The following C1S variants were observed in gnomAD, a reference collection of about 807,000 sequenced individuals.
C1S encodes complement C1s subcomponent.
Under a neutral mutation model 54.0 loss-of-function variants are expected in C1S, and 31 were observed. That is an observed-to-expected ratio of 0.57 (90% CI 0.43 to 0.78). C1S has a LOEUF of 0.78. Among genes scored for constraint, C1S ranks in the 30% least tolerant of loss-of-function variants. The pLI is 0.00. For missense variants in C1S, 727 were observed against 851.8 expected, an observed-to-expected ratio of 0.85 and a Z score of 1.82; for synonymous variants, 292 against 303.6, an observed-to-expected ratio of 0.96 and a Z score of 0.40.
chr12:7,065,135 G>T lies in C1S; in HGVS notation c.553G>T (p.Gly185Trp). 1 of 1,613,958 alleles carries T rather than the reference G, an allele frequency of 6.2e-7. No individual in the cohort carries two copies. The highest frequency in any genetic ancestry group is 8.5e-7 in the Non-Finnish European group (1 of 1,179,892). The change falls in exon 6 of 12, where the codon GGG becomes TGG. Residue 185 changes from glycine (G) to tryptophan (W), a missense_variant. Around this residue, in one of 3 missense-constraint regions of C1S, gnomAD observed 357 missense variants for 365.4 expected, o/e 0.98. Coordinates refer to ENST00000360817, the MANE Select transcript of C1S (RefSeq NM_001734.5). ...TGGGGATGTATTCACTGCACTGATT[G>T]GGGAGATTGCAAGTCCCAATTATCC... ...CSGDVFTALI[G>W]EIASPNYPKP...
intron 7 of C1S, 30 bp from the exon 8 acceptor site, chr12:7,066,488 T>C: frequency 7.8e-7 from 1 of 1,276,616 alleles, no homozygotes; most frequent in Non-Finnish European, 1.1e-6. Flanking sequence ...AGTAATTTTT[T>C]CCTCCTGTCC....
In C1S at chr12:7,062,639, T is replaced by C. The variant is rs782762408; in HGVS notation, c.170T>C (p.Leu57Pro). 1 of 1,614,194 alleles carries C rather than the reference T, an allele frequency of 6.2e-7. No individual in the cohort carries two copies. The highest frequency in any genetic ancestry group is 8.5e-7 in the Non-Finnish European group (1 of 1,180,022). ...GYGIHLYFTH[L>P]DIELSENCAY... The stretch of plus-strand genomic sequence containing the variant: ...GGGATTCACCTCTACTTCACCCATC[T>C]GGACATTGAGCTGTCAGAGAACTGT... The change falls in exon 3 of 12, where the codon CTG (leucine) becomes CCG (proline). Residue 57 changes from leucine to proline, a missense_variant. Around this residue, in one of 3 missense-constraint regions of C1S, gnomAD observed 357 missense variants for 365.4 expected, o/e 0.98. Coordinates refer to ENST00000360817, the MANE Select transcript of C1S (RefSeq NM_001734.5).
rs1555163182 is a variant in C1S at position 7,070,717 on chromosome 12, T to C, written c.*66T>C. 1.2e-5 allele frequency: 15 copies of C among 1,220,048 alleles called. No individual in the cohort carries two copies. The highest frequency in any genetic ancestry group is 1.7e-5 in the Non-Finnish European group (14 of 825,100). 75.6% of individuals were successfully genotyped at this position (1,220,048 alleles called of 1,614,324 possible). A position where few individuals can be genotyped will look rare whatever the true frequency, so the allele number is the denominator to read the frequency against. On this transcript the variant is annotated 3_prime_UTR_variant, in exon 12 of 12. Coordinates refer to ENST00000360817, the MANE Select transcript of C1S (RefSeq NM_001734.5). This position sits in a 1 kb window ranked among gnomAD's most constrained non-coding sequence, Gnocchi z 4.9. ...ATGCATTACCTTCTGTTCCTTATGA[T>C]ATTCTCATTATTTCATCATGACTGA...
chr12:7,063,363 G>A (rs782651896), intron 4 of C1S: 5 of 498,582 alleles, frequency 1.0e-5, no homozygotes, highest in Admixed American at 2.5e-5. Context: ...TAACACAATC[G>A]TCACTTTAAT....
At chr12:7,066,344 G>A (rs1229784737) in intron 7 of C1S, 174 bp from the exon 8 acceptor site, 2 of 681,838 alleles carry the variant, frequency 2.9e-6, no homozygotes. Flanking sequence ...ACAGCTTGCG[G>A]GTGGTTAGTT....
At chr12:7,066,962 A>C in intron 8 of C1S, 77 bp from the exon 9 acceptor site, 1 of 1,051,150 alleles carries the variant, frequency 9.5e-7, no homozygotes, top group Non-Finnish European at 1.5e-6. Context: ...ATCCAAGGCC[A>C]GAGATCAATT....
At chr12:7,062,130 G>T in intron 2 of C1S, 1 of 592,904 alleles carries the variant, frequency 1.7e-6, no homozygotes, top group Non-Finnish European at 3.0e-6. Context: ...AATTAGCCCA[G>T]CGTCATGCGT....
intron 7 of C1S, chr12:7,066,298 C>T: frequency 3.2e-6 from 2 of 632,244 alleles, no homozygotes; most frequent in Admixed American, 2.5e-5. Flanking sequence ...AATGCCTCAA[C>T]CTCTAGTAAT....
At chr12:7,061,691 GA>G (rs1947090175) in intron 1 of C1S, 147 bp from the exon 2 acceptor site, 1 of 656,948 alleles carries the variant, frequency 1.5e-6, no homozygotes, top group Non-Finnish European at 2.8e-6. Flanking sequence ...GGGAGGGTGT[GA>G]GGGGCACGGT....
Position 7,066,546 on chromosome 12 carries a change from C to T in C1S, c.900C>T (p.Pro300=). 1 of 1,612,914 alleles carries T rather than the reference C, an allele frequency of 6.2e-7. No homozygotes were observed. Among genetic ancestry groups the T allele is most frequent in the Non-Finnish European group, 8.5e-7 (1 of 1,178,860 alleles). The change falls in exon 8 of 12, where the codon CCC becomes CCT. Residue 300 remains proline, a synonymous_variant. Coordinates refer to ENST00000360817, the MANE Select transcript of C1S (RefSeq NM_001734.5). ...TGCCCTGCCCTAAGGAAGACACTCCCAATTCTGTTTGGGAGCCTGCGAAGG... is the reference window on the plus strand; with the variant it reads ...TGCCCTGCCCTAAGGAAGACACTCCTAATTCTGTTTGGGAGCCTGCGAAGG... ...DPMPCPKEDT[P]NSVWEPAKAK...
At chr12:7,068,764 G>T in intron 11 of C1S, 1 of 570,504 alleles carries the variant, frequency 1.8e-6, no homozygotes, top group Non-Finnish European at 3.2e-6. Context: ...GCGACAGTTG[G>T]TGTCTGGTAA....
chr12:7,062,270 C>CAA (rs373096669), intron 2 of C1S: 786 of 444,316 alleles, frequency 1.8e-3, no homozygotes, highest in Middle Eastern at 3.2e-3. Flanking sequence ...GAACCTGTCT[C>CAA]AAAAAAAAAA....
chr12:7,065,911 T>C lies in C1S; in HGVS notation c.812T>C (p.Ile271Thr), dbSNP rs782700724. 2.5e-6 allele frequency: 4 copies of C among 1,613,724 alleles called. No individual in the cohort carries two copies. In the South Asian group the frequency reaches 3.3e-5, roughly 13 times the overall value. Residue 271 changes from isoleucine to threonine, a missense_variant, in exon 7 of 12, where the codon ATC (isoleucine) becomes ACC (threonine). Physicochemically the swap from Ile to Thr is moderately conservative, Grantham distance 89. Around this residue, in one of 3 missense-constraint regions of C1S, gnomAD observed 357 missense variants for 365.4 expected, o/e 0.98. Coordinates refer to ENST00000360817, the MANE Select transcript of C1S (RefSeq NM_001734.5). ...IETKSNALDI[I>T]FQTDLTGQKK... is the part of the protein sequence containing the mutation. Reference sequence around the variant, plus strand: ...ACCAAGAGTAATGCTCTTGATATCATCTTCCAAACTGATCTAACAGGGCAA... The same window carrying C: ...ACCAAGAGTAATGCTCTTGATATCACCTTCCAAACTGATCTAACAGGGCAA...
At position 7,065,880 on chromosome 12, in the gene C1S, A is replaced by G; in HGVS notation, c.781A>G (p.Ile261Val). 2 of 1,613,142 alleles carry G rather than the reference A, an allele frequency of 1.2e-6. No homozygotes were observed. The highest frequency in any genetic ancestry group is 1.3e-5 in the African/African-American group (1 of 74,784). ...TCATGGATTCCCTGGGCCTCTAAATATTGAAACCAAGAGTAATGCTCTTGA... is the reference window on the plus strand; with the variant it reads ...TCATGGATTCCCTGGGCCTCTAAATGTTGAAACCAAGAGTAATGCTCTTGA... Reference protein sequence around the residue: ...CGHGFPGPLNIETKSNALDII... With the variant: ...CGHGFPGPLNVETKSNALDII... Residue 261 changes from isoleucine (I) to valine (V), a missense_variant, in exon 7 of 12, where the codon ATT becomes GTT. Physicochemically the swap from Ile to Val is conservative, Grantham distance 29. Transcript: ENST00000360817.
At position 7,070,489 on chromosome 12, in the gene C1S, C is replaced by A. The variant is rs782764737; in HGVS notation, c.1905C>A (p.Ala635=). The change falls in exon 12 of 12, where the codon GCC becomes GCA. Residue 635 remains alanine (A), a synonymous_variant. Transcript: ENST00000360817. This position sits in a 1 kb window ranked among gnomAD's most constrained non-coding sequence, Gnocchi z 4.9. ...MDSCKGDSGG[A]FAVQDPNDKT... ...GCTGTAAAGGGGACAGTGGTGGGGC[C>A]TTTGCTGTACAGGATCCCAATGACA... is the stretch of plus-strand genomic sequence containing the variant. 6.2e-7 allele frequency: 1 copy of A among 1,614,084 alleles called. No individual in the cohort carries two copies. Among genetic ancestry groups the A allele is most frequent in the Non-Finnish European group, 8.5e-7 (1 of 1,179,984 alleles).
chr12:7,064,492 G>A, intron 5 of C1S, 100 bp downstream of exon 5: 1 of 1,158,248 alleles, frequency 8.6e-7, no homozygotes, highest in Non-Finnish European at 1.3e-6. Context: ...ATTAGGCCAA[G>A]CCTTCATTTG....
rs1236356288 is a variant in C1S, at chr12:7,065,025, G to T, written c.518-75G>T. The T allele has an allele frequency of 6.3e-6, 8 of 1,271,686 alleles. No homozygotes were observed. In the African/African-American group the frequency reaches 1.2e-4, roughly 19 times the overall value. The allele number at this position is 1,271,686 out of a possible 1,614,324, so 78.8% of individuals were successfully genotyped here. ...GCAGGACTGTCAGTTTCTGAGAGAAGGAATCATAGAATAGTGCAGGAATTC... is the reference window on the plus strand; with the variant it reads ...GCAGGACTGTCAGTTTCTGAGAGAATGAATCATAGAATAGTGCAGGAATTC... On this transcript the variant is annotated intron_variant, in intron 5 of 11. Transcript: ENST00000360817.
rs1555162260 is a variant in C1S, at chr12:7,066,542, C to G, written c.896C>G (p.Thr299Ser). Reference protein sequence around the residue: ...GDPMPCPKEDTPNSVWEPAKA... With the variant: ...GDPMPCPKEDSPNSVWEPAKA... ...GCAATGCCCTGCCCTAAGGAAGACACTCCCAATTCTGTTTGGGAGCCTGCG... is the reference window on the plus strand; with the variant it reads ...GCAATGCCCTGCCCTAAGGAAGACAGTCCCAATTCTGTTTGGGAGCCTGCG... The change falls in exon 8 of 12, where the codon ACT becomes AGT. Residue 299 changes from threonine to serine, a missense_variant. Physicochemically the swap from Thr to Ser is moderately conservative, Grantham distance 58. Coordinates refer to ENST00000360817, the MANE Select transcript of C1S (RefSeq NM_001734.5). 1 of 1,612,534 alleles carries G rather than the reference C, an allele frequency of 6.2e-7. No homozygotes were observed. The highest frequency in any genetic ancestry group is 1.1e-5 in the South Asian group (1 of 91,054).
chr12:7,062,879 T>G lies in C1S; in HGVS notation c.214-11T>G, dbSNP rs782197639. The stretch of plus-strand genomic sequence containing the variant: ...CTTTCCTAGATTTTTTTTTTGTGAC[T>G]CTTCTCTTAGATAATCTCAGGAGAC... On this transcript the variant is annotated splice_polypyrimidine_tract_variant and intron_variant, in intron 3 of 11. Coordinates refer to ENST00000360817, the MANE Select transcript of C1S (RefSeq NM_001734.5). The G allele has an allele frequency of 6.2e-7, 1 of 1,613,196 alleles. No homozygotes were observed. The highest frequency in any genetic ancestry group is 8.5e-7 in the Non-Finnish European group (1 of 1,179,660).
Sources: allele counts gnomAD v4.1 joint callset, GRCh38; gene constraint gnomAD v4.1.1; regional missense constraint gnomAD v4.1.1; non-coding constraint Gnocchi (gnomAD v3.1); transcripts MANE v1.5; gene names NCBI Gene and HGNC (gene_info 2026-07-23, HGNC 2026-07-21).